The following KIAA1217 variants were observed in gnomAD, a reference collection of about 807,000 sequenced individuals.
KIAA1217 encodes KIAA1217.
In KIAA1217, 88 loss-of-function variants were observed where a neutral mutation model predicts 163.9. That is an observed-to-expected ratio of 0.54 (90% CI 0.45 to 0.64). KIAA1217 has a LOEUF of 0.64. KIAA1217 is among the 30% of genes least tolerant of loss of function. KIAA1217 has a pLI of 0.00. For synonymous variants in KIAA1217, 903 were observed against 923.1 expected (o/e 0.98, Z 0.39); for missense variants, 2,372 against 2,475.0 (o/e 0.96, Z 0.88).
At chr10:24,330,150 A>C (rs1450671815) in intron 2 of KIAA1217, among the ~76,000 whole-genome samples, 1 of 152,064 alleles carries the variant, frequency 6.6e-6, no homozygotes, top group Non-Finnish European at 1.5e-5. Context: ...AAATACAAAA[A>C]TTAGCCAGGC....
intron 2 of KIAA1217, among the ~76,000 whole-genome samples, chr10:24,334,441 AAGGAAGGAAG>A (rs1564490080): frequency 1.3e-4 from 6 of 46,812 alleles, no homozygotes; most frequent in African/African-American, 3.0e-4. Flanking sequence ...GGAAGGATGG[AAGGAAGGAAG>A]GAAGGAAGGA....
intron 1 of KIAA1217, among the ~76,000 whole-genome samples, chr10:23,949,467 T>TAA (rs1844228011): frequency 6.6e-6 from 1 of 152,192 alleles, no homozygotes; most frequent in Non-Finnish European, 1.5e-5. Context: ...TTCGTTTCCC[T>TAA]GACAATGATT....
chr10:24,247,262 C>A (rs2073930497), intron 2 of KIAA1217, among the ~76,000 whole-genome samples: 2 of 151,604 alleles, frequency 1.3e-5, no homozygotes, highest in East Asian at 1.9e-4. Flanking sequence ...TGTTTCATCA[C>A]CCAGGTATTA....
At chr10:23,976,841 G>C (rs1162508753) in intron 1 of KIAA1217, among the ~76,000 whole-genome samples, 1 of 152,170 alleles carries the variant, frequency 6.6e-6, no homozygotes, top group Non-Finnish European at 1.5e-5. Context: ...GAAAATTCTT[G>C]ATGCTTTAAG....
At chr10:24,364,451 T>C (rs2050479749) in intron 2 of KIAA1217, among the ~76,000 whole-genome samples, 1 of 152,218 alleles carries the variant, frequency 6.6e-6, no homozygotes, top group African/African-American at 2.4e-5. Flanking sequence ...AGATGGAACC[T>C]ACTGAGAAGC....
chr10:24,113,507 T>C (rs1423867493), intron 2 of KIAA1217, among the ~76,000 whole-genome samples: 2 of 152,196 alleles, frequency 1.3e-5, no homozygotes, highest in East Asian at 1.9e-4. Flanking sequence ...ATGAGTATTG[T>C]AGAAGATGAC....
At chr10:24,115,316 A>G (rs1160364373) in intron 2 of KIAA1217, among the ~76,000 whole-genome samples, 2 of 152,200 alleles carry the variant, frequency 1.3e-5, no homozygotes, top group Non-Finnish European at 2.9e-5. Flanking sequence ...GTTTGCATTC[A>G]TTATTTAGAT....
At position 24,057,343 on chromosome 10, in the gene KIAA1217, A is replaced by G. The variant is rs1448900241; in HGVS notation, c.-171+49969A>G. ...AGTATACAATACAATATTATTAACTATAGACACAACATGTACAGCAGATCT... is the reference window on the plus strand; with the variant it reads ...AGTATACAATACAATATTATTAACTGTAGACACAACATGTACAGCAGATCT... On this transcript the variant is annotated intron_variant, in intron 2 of 18. Transcript: ENST00000376462. Among the ~76,000 whole-genome samples, 4 of 152,248 alleles carry G rather than the reference A, an allele frequency of 2.6e-5. No homozygotes were observed. The East Asian group carries it at 7.7e-4, about 29-fold the overall frequency.
chr10:24,106,135 T>C (rs1022077687), intron 2 of KIAA1217, among the ~76,000 whole-genome samples: 1 of 152,166 alleles, frequency 6.6e-6, no homozygotes, highest in South Asian at 2.1e-4. Context: ...TGTGTAATCA[T>C]TTCCAGGACA....
chr10:24,232,874 G>A (rs1284319146), intron 2 of KIAA1217, among the ~76,000 whole-genome samples: 3 of 147,784 alleles, frequency 2.0e-5, no homozygotes, highest in African/African-American at 7.5e-5. Context: ...CCAGCACTTT[G>A]GGAGGCTGAG....
intron 14 of KIAA1217, among the ~76,000 whole-genome samples, chr10:24,531,066 G>A (rs547778840): frequency 6.6e-6 from 1 of 152,038 alleles, no homozygotes; most frequent in South Asian, 2.1e-4. Context: ...TTAGCCAGGT[G>A]TTGTGACACA....
intron 2 of KIAA1217, among the ~76,000 whole-genome samples, chr10:24,169,691 A>G (rs2065531323): frequency 1.3e-5 from 2 of 152,154 alleles, no homozygotes; most frequent in Non-Finnish European, 2.9e-5. Context: ...GGGTCTGCAC[A>G]GCCCTCAGGC....
At chr10:24,431,127 T>G (rs900545748) in intron 3 of KIAA1217, among the ~76,000 whole-genome samples, 2 of 152,226 alleles carry the variant, frequency 1.3e-5, no homozygotes, top group Non-Finnish European at 2.9e-5. Flanking sequence ...CTTACTTCTT[T>G]GATGTATGCT....
intron 2 of KIAA1217, among the ~76,000 whole-genome samples, chr10:24,196,774 C>G (rs1461033778): frequency 6.6e-6 from 1 of 152,158 alleles, no homozygotes; most frequent in Non-Finnish European, 1.5e-5. Context: ...GCCCCAAAAC[C>G]AGTCTGAGCG....
At chr10:23,841,827 CTTTATTTTATTTTATTTTATTTTAT>C (rs376133012) in intron 1 of KIAA1217, among the ~76,000 whole-genome samples, 11 of 133,568 alleles carry the variant, frequency 8.2e-5, no homozygotes, top group South Asian at 2.4e-4. Context: ...ACCATTGGGA[CTTTATTTTATTTTATTTTATTTTAT>C]TTTATTTTAT....
intron 1 of KIAA1217, among the ~76,000 whole-genome samples, chr10:23,839,129 G>T (rs1427428189): frequency 6.6e-6 from 1 of 151,876 alleles, no homozygotes; most frequent in Non-Finnish European, 1.5e-5. Context: ...TCCAATACAT[G>T]CCTAGTTTTC....
At chr10:23,862,508 T>C (rs1840002646) in intron 1 of KIAA1217, among the ~76,000 whole-genome samples, 1 of 152,190 alleles carries the variant, frequency 6.6e-6, no homozygotes, top group Admixed American at 6.5e-5. Context: ...TCTCTCTCTT[T>C]GGAGCCGAAT....
intron 1 of KIAA1217, among the ~76,000 whole-genome samples, chr10:23,757,705 A>T (rs1342888038): frequency 2.6e-5 from 4 of 151,994 alleles, no homozygotes; most frequent in African/African-American, 7.2e-5. Context: ...TTTAGTAGAG[A>T]TGGGTTTTCA....
intron 13 of KIAA1217, among the ~76,000 whole-genome samples, chr10:24,527,474 C>T (rs1189219644): frequency 6.8e-6 from 1 of 146,808 alleles, no homozygotes; most frequent in Non-Finnish European, 1.5e-5. Flanking sequence ...CCAGCCTGGG[C>T]AACGTAACAG....
Sources: allele counts gnomAD v4.1 joint callset (sites outside exome capture counted in the v4.1 genomes callset), GRCh38; gene constraint gnomAD v4.1.1; transcripts MANE v1.5; gene names NCBI Gene and HGNC (gene_info 2026-07-23, HGNC 2026-07-21).